The following PXDNL variants were observed in gnomAD, a reference collection of about 807,000 sequenced individuals.
PXDNL encodes probable oxidoreductase PXDNL.
A neutral mutation model predicts 150.8 loss-of-function variants in PXDNL; 145 were observed. The observed-to-expected ratio is 0.96, with a 90% CI of 0.84 to 1.10. The LOEUF (loss-of-function observed/expected upper bound fraction) is 1.10. PXDNL is among the 50% of genes least tolerant of loss of function. The pLI is 0.00. For synonymous variants in PXDNL, 757 were observed against 725.7 expected (o/e 1.04, Z -0.69); for missense variants, 2,087 against 1,873.9 (o/e 1.11, Z -2.10).
At chr8:51,630,308 G>A (rs576120849) in intron 2 of PXDNL, among the ~76,000 whole-genome samples, 89 of 152,144 alleles carry the variant, frequency 5.8e-4, no homozygotes, top group African/African-American at 1.7e-3. Context: ...ACACTGAAAT[G>A]TAACATGTAA....
At chr8:51,446,691 G>T (rs1809684114) in intron 12 of PXDNL, among the ~76,000 whole-genome samples, 1 of 152,102 alleles carries the variant, frequency 6.6e-6, no homozygotes, top group African/African-American at 2.4e-5. Context: ...CCGAGAAGCT[G>T]CATTCTTTTG....
At chr8:51,601,739 G>A (rs1190238794) in intron 2 of PXDNL, among the ~76,000 whole-genome samples, 1 of 151,582 alleles carries the variant, frequency 6.6e-6, no homozygotes, top group East Asian at 1.9e-4. Flanking sequence ...TCATATGTAA[G>A]AGTTTGACCC....
chr8:51,660,844 G>A (rs1336220333), intron 1 of PXDNL, among the ~76,000 whole-genome samples: 2 of 152,176 alleles, frequency 1.3e-5, no homozygotes, highest in Non-Finnish European at 2.9e-5. Context: ...TTTGGCATCA[G>A]AGTGAGGGCA....
chr8:51,547,838 A>G (rs549759447), intron 4 of PXDNL, among the ~76,000 whole-genome samples: 124 of 152,334 alleles, frequency 8.1e-4, no homozygotes, highest in Non-Finnish European at 1.6e-3. Context: ...ATCCAAACAA[A>G]GAAGAAATCT....
chr8:51,597,673 T>G (rs921193772), intron 2 of PXDNL, among the ~76,000 whole-genome samples: 3 of 144,402 alleles, frequency 2.1e-5, no homozygotes, highest in South Asian at 2.2e-4. Flanking sequence ...GTGTGTGTGT[T>G]TATGTGTGTG....
At chr8:51,570,705 T>G (rs1285042797) in intron 3 of PXDNL, among the ~76,000 whole-genome samples, 2 of 151,912 alleles carry the variant, frequency 1.3e-5, no homozygotes, top group African/African-American at 4.8e-5. Context: ...CAATAGTGTA[T>G]ACTTATAATG....
At position 51,621,444 on chromosome 8, in the gene PXDNL, GTGTC is replaced by G. The variant is rs767987460; in HGVS notation, c.237-28750_237-28747del. Among the ~76,000 whole-genome samples, 586 of 125,646 alleles carry G rather than the reference GTGTC, an allele frequency of 4.7e-3. 3 individuals are homozygous for G. Among genetic ancestry groups the G allele is most frequent in the Middle Eastern group, 0.015 (4 of 266 alleles). 82.4% of individuals were successfully genotyped at this position (125,646 alleles called of 152,430 possible). ...ACATTACAAAAGAATGAGTGTGTGT[GTGTC>G]TGTGTGTGTGTGTGTGTGTGTGTGT... On this transcript the variant is annotated intron_variant, in intron 2 of 22. Coordinates refer to ENST00000356297, the MANE Select transcript of PXDNL (RefSeq NM_144651.5).
chr8:51,427,994 A>T (rs1319063200), intron 12 of PXDNL, among the ~76,000 whole-genome samples: 1 of 152,202 alleles, frequency 6.6e-6, no homozygotes, highest in African/African-American at 2.4e-5. Flanking sequence ...TATATCAAAA[A>T]TACTCCAAAG....
At chr8:51,626,855 T>A (rs779657207) in intron 2 of PXDNL, among the ~76,000 whole-genome samples, 2 of 152,158 alleles carry the variant, frequency 1.3e-5, no homozygotes, top group Non-Finnish European at 2.9e-5. Flanking sequence ...AAAATGTAAG[T>A]GGTGAGTGAT....
rs1466942827 is a variant in PXDNL at position 51,809,408 on chromosome 8, G to GC, written c.-65dup. Reference sequence around the variant, plus strand: ...AGGGAGAGCAGCAGCTGCAGCTGCAGCAGCAACCGCAGTGGTGGTGATGGT... The same window carrying GC: ...AGGGAGAGCAGCAGCTGCAGCTGCAGCCAGCAACCGCAGTGGTGGTGATGGT... On this transcript the variant is annotated 5_prime_UTR_variant, in exon 1 of 23. Coordinates refer to ENST00000356297, the MANE Select transcript of PXDNL (RefSeq NM_144651.5). 1.4e-6 allele frequency: 2 copies of GC among 1,434,304 alleles called. No homozygotes were observed. The highest frequency in any genetic ancestry group is 9.2e-7 in the Non-Finnish European group (1 of 1,082,442). The allele number at this position is 1,434,304 out of a possible 1,614,324, so 88.8% of individuals were successfully genotyped here. A position where few individuals can be genotyped will look rare whatever the true frequency, so the allele number is the denominator to read the frequency against.
At chr8:51,388,854 GCTA>G (rs1807805832) in intron 17 of PXDNL, among the ~76,000 whole-genome samples, 1 of 151,628 alleles carries the variant, frequency 6.6e-6, no homozygotes. Flanking sequence ...TGTTTCACTA[GCTA>G]CTGAGATCTT....
intron 3 of PXDNL, among the ~76,000 whole-genome samples, chr8:51,591,159 G>A (rs1475590659): frequency 2.0e-5 from 3 of 152,076 alleles, no homozygotes; most frequent in Admixed American, 2.0e-4. Context: ...CTTCCATCAT[G>A]TTAGGATACA....
chr8:51,621,702 G>A (rs185515126), intron 2 of PXDNL, among the ~76,000 whole-genome samples: 3 of 152,268 alleles, frequency 2.0e-5, no homozygotes, highest in African/African-American at 7.2e-5. Context: ...CACTTTGAGA[G>A]GCTGAGGTGG....
chr8:51,607,613 G>T (rs1813864723), intron 2 of PXDNL, among the ~76,000 whole-genome samples: 1 of 150,080 alleles, frequency 6.7e-6, no homozygotes. Flanking sequence ...GGCCGAGGTG[G>T]GTGGATCACC....
intron 17 of PXDNL, among the ~76,000 whole-genome samples, chr8:51,395,240 T>G (rs1185789597): frequency 6.6e-6 from 1 of 152,172 alleles, no homozygotes; most frequent in Admixed American, 6.5e-5. Context: ...TAGACACTAT[T>G]CCAGATGCTG....
At chr8:51,747,010 C>G (rs1398724599) in intron 1 of PXDNL, among the ~76,000 whole-genome samples, 8 of 152,080 alleles carry the variant, frequency 5.3e-5, no homozygotes, top group Non-Finnish European at 1.2e-4. Context: ...GCGTGAGCCA[C>G]TGTGCCAAGC....
intron 4 of PXDNL, among the ~76,000 whole-genome samples, chr8:51,517,312 T>C (rs1332005112): frequency 6.6e-6 from 1 of 152,198 alleles, no homozygotes; most frequent in African/African-American, 2.4e-5. Context: ...CAATGAAATA[T>C]AGATGCCATA....
At chr8:51,371,735 G>T in intron 19 of PXDNL, 138 bp downstream of exon 19, 1 of 784,634 alleles carries the variant, frequency 1.3e-6, no homozygotes, top group Non-Finnish European at 2.0e-6. Flanking sequence ...TCATCTGTCA[G>T]ATTTCCAAAA....
In PXDNL at chr8:51,591,809, G is replaced by A. The variant is rs181621199; in HGVS notation, c.308+818C>T. On this transcript the variant is annotated intron_variant, in intron 3 of 22. Transcript: ENST00000356297. Reference sequence around the variant, plus strand: ...AATTTTTTTGTATTTTTGTAGAGACGGGGTTTCACTGTGTTAACCAGGATG... The same window carrying A: ...AATTTTTTTGTATTTTTGTAGAGACAGGGTTTCACTGTGTTAACCAGGATG... Among the ~76,000 whole-genome samples, 161 of 152,194 alleles carry A rather than the reference G, an allele frequency of 1.1e-3. 4 individuals carry two copies. The highest frequency in any genetic ancestry group is 3.6e-3 in the African/African-American group (150 of 41,534).
Sources: gnomAD v4.1 joint callset for allele counts (sites outside exome capture counted in the v4.1 genomes callset) on GRCh38, gnomAD v4.1.1 for gene constraint, MANE v1.5 for transcripts, NCBI Gene and HGNC (gene_info 2026-07-23, HGNC 2026-07-21) for gene names.